Variants in HERC2 observed in about 807,000 individuals in gnomAD.
The protein encoded by HERC2 is E3 ubiquitin-protein ligase HERC2.
HERC2 carries 102 observed loss-of-function variants against 537.7 expected under a neutral mutation model. That is an observed-to-expected ratio of 0.19 (90% CI 0.16 to 0.22). The LOEUF is 0.22. Ranked by LOEUF, HERC2 falls within the 10% of genes least tolerant of loss-of-function variation. The pLI is 1.00. For missense variants in HERC2, 4,236 were observed against 6,198.2 expected (o/e 0.68, Z 10.63); for synonymous variants, 2,224 against 2,466.2 (o/e 0.90, Z 2.91).
intron 57 of HERC2, among the ~76,000 whole-genome samples, chr15:28,181,015 A>G (rs1383042987): frequency 2.0e-5 from 3 of 152,218 alleles, no homozygotes; most frequent in African/African-American, 7.2e-5. Context: ...TAATGTAAAG[A>G]TAAAAACACA....
At position 28,163,298 on chromosome 15, in the gene HERC2, A is replaced by G. The variant is rs199666827; in HGVS notation, c.10555-13T>C. Reference sequence around the variant, plus strand: ...GGCTTTCAACATCCTAAGTCAAATGACATCCAACAATTAACATGAGGAATG... The same window carrying G: ...GGCTTTCAACATCCTAAGTCAAATGGCATCCAACAATTAACATGAGGAATG... On this transcript the variant is annotated splice_polypyrimidine_tract_variant and intron_variant, in intron 68 of 92. Coordinates refer to ENST00000261609, the MANE Select transcript of HERC2 (RefSeq NM_004667.6). The G allele has an allele frequency of 8.7e-6, 14 of 1,607,838 alleles. No individual in the cohort carries two copies. Among genetic ancestry groups the G allele is most frequent in the Middle Eastern group, 3.3e-4 (2 of 6,044 alleles).
chr15:28,156,635 C>T (rs1893039184), intron 69 of HERC2, among the ~76,000 whole-genome samples: 1 of 152,152 alleles, frequency 6.6e-6, no homozygotes, highest in African/African-American at 2.4e-5. Flanking sequence ...TGCTGATCAG[C>T]TTAAGGAGAT....
At chr15:28,293,788 A>G (rs560950761) in intron 3 of HERC2, among the ~76,000 whole-genome samples, 13 of 152,330 alleles carry the variant, frequency 8.5e-5, no homozygotes, top group South Asian at 8.3e-4. Flanking sequence ...TGTGACTGAT[A>G]GCATAATTCA....
At chr15:28,274,158 G>T in intron 7 of HERC2, 133 bp downstream of exon 7, 1 of 776,050 alleles carries the variant, frequency 1.3e-6, no homozygotes, top group Non-Finnish European at 2.1e-6. Context: ...CGGAATCACA[G>T]CACTGACAGC....
chr15:28,230,270 GTCCC>G, intron 31 of HERC2, 93 bp downstream of exon 31: 2 of 1,239,424 alleles, frequency 1.6e-6, no homozygotes, highest in Non-Finnish European at 2.3e-6. Flanking sequence ...ACAACCGCCC[GTCCC>G]TCCCTCCAGA....
In HERC2 at chr15:28,175,629, G is replaced by A. The variant is rs2140146760; in HGVS notation, c.9714C>T (p.Gly3238=). 6.2e-7 allele frequency: 1 copy of A among 1,613,892 alleles called. No homozygotes were observed. The highest frequency in any genetic ancestry group is 1.7e-5 in the Admixed American group (1 of 60,000). Residue 3238 remains glycine, a synonymous_variant, in exon 64 of 93, where the codon GGC becomes GGT. Transcript: ENST00000261609. ...TCCGCACGTGCACGTCAGAGCCGTG[G>A]CCCAATCTGAAGTAATCCCCCTTTC... The part of the protein sequence containing the change: ...TWGKGDYFRL[G]HGSDVHVRKP...
rs990733867 is a variant in HERC2, at chr15:28,144,130, A to G, written c.11246T>C (p.Ile3749Thr). Residue 3749 changes from isoleucine (I) to threonine (T), a missense_variant, in exon 73 of 93, where the codon ATC becomes ACC. By Grantham distance (89) the Ile-to-Thr change is moderately conservative. Coordinates refer to ENST00000261609, the MANE Select transcript of HERC2 (RefSeq NM_004667.6). Reference sequence around the variant, plus strand: ...CAGCGAGGCCGCAAGGCGAGGGACGATGCTTCTGTTAGAGGCAAGGTTGAG... The same window carrying G: ...CAGCGAGGCCGCAAGGCGAGGGACGGTGCTTCTGTTAGAGGCAAGGTTGAG... ...FRLNLASNRS[I>T]VPRLAASLAA... The G allele has an allele frequency of 6.2e-7, 1 of 1,614,120 alleles. No individual in the cohort carries two copies. The highest frequency in any genetic ancestry group is 1.3e-5 in the African/African-American group (1 of 74,954).
intron 78 of HERC2, among the ~76,000 whole-genome samples, chr15:28,136,245 T>A (rs1890622613): frequency 6.6e-6 from 1 of 152,178 alleles, no homozygotes; most frequent in Non-Finnish European, 1.5e-5. Flanking sequence ...GTTTTCCAAA[T>A]GAAGGCAAAC....
At chr15:28,172,887 T>C (rs528972218) in intron 65 of HERC2, among the ~76,000 whole-genome samples, 1 of 152,282 alleles carries the variant, frequency 6.6e-6, no homozygotes, top group African/African-American at 2.4e-5. Flanking sequence ...TAACCCAGAA[T>C]ATATAAGAAA....
At position 28,117,069 on chromosome 15, in the gene HERC2, G is replaced by A. The variant is rs776359705; in HGVS notation, c.13358C>T (p.Ser4453Leu). 6 of 1,614,162 alleles carry A rather than the reference G, an allele frequency of 3.7e-6. No individual in the cohort carries two copies. Among genetic ancestry groups the A allele is most frequent in the South Asian group, 2.2e-5 (2 of 91,080 alleles). ...AAGGAGGAGGCTGTCGGGACCAAAC[G>A]AGCTCATCTTAGCACACATCTGCCC... ...VFGQMCAKMS[S>L]FGPDSLLLPH... The change falls in exon 87 of 93, where the codon TCG becomes TTG. Residue 4453 changes from serine (S) to leucine (L), a missense_variant. Around this residue, in one of 27 missense-constraint regions of HERC2, gnomAD observed 29 missense variants for 102.1 expected, o/e 0.28. Transcript: ENST00000261609.
At chr15:28,178,191 G>A (rs1895477482) in intron 59 of HERC2, among the ~76,000 whole-genome samples, 2 of 152,074 alleles carry the variant, frequency 1.3e-5, no homozygotes, top group Admixed American at 6.6e-5. Flanking sequence ...GATGGTGACT[G>A]AAATGAGTGG....
intron 2 of HERC2, among the ~76,000 whole-genome samples, chr15:28,306,862 TC>T (rs1189400968): frequency 6.6e-6 from 1 of 152,194 alleles, no homozygotes; most frequent in South Asian, 2.1e-4. Flanking sequence ...GAAGACACAG[TC>T]TCACTCTGTC....
intron 21 of HERC2, 71 bp from the exon 22 acceptor site, chr15:28,246,968 A>C: frequency 7.6e-7 from 1 of 1,318,772 alleles, no homozygotes; most frequent in Admixed American, 1.9e-5. Flanking sequence ...TAACTGCTCC[A>C]TGATGCTATT....
intron 3 of HERC2, among the ~76,000 whole-genome samples, chr15:28,293,981 C>T (rs1391987204): frequency 1.3e-5 from 2 of 152,172 alleles, no homozygotes; most frequent in African/African-American, 2.4e-5. Context: ...AAATGTCTAA[C>T]AACATAATTA....
At chr15:28,167,241 T>C (rs942118089) in intron 68 of HERC2, among the ~76,000 whole-genome samples, 5 of 152,184 alleles carry the variant, frequency 3.3e-5, no homozygotes, top group African/African-American at 9.7e-5. Context: ...ATCTCACCAA[T>C]GATGCAGCAA....
intron 56 of HERC2, among the ~76,000 whole-genome samples, chr15:28,184,212 T>C (rs1420455649): frequency 6.6e-6 from 1 of 152,090 alleles, no homozygotes; most frequent in Non-Finnish European, 1.5e-5. Flanking sequence ...ATATTTTCCA[T>C]ACACACATAT....
chr15:28,203,482 T>G (rs1359867134), intron 45 of HERC2: 2 of 152,024 alleles, frequency 1.3e-5, no homozygotes, highest in Non-Finnish European at 2.9e-5. Context: ...TTCTGATAAT[T>G]GAGAGTTAGG....
In HERC2 at chr15:28,169,584, G is replaced by T; in HGVS notation, c.10129C>A (p.Arg3377Ser). 6.2e-7 allele frequency: 1 copy of T among 1,613,940 alleles called. No homozygotes were observed. Residue 3377 changes from arginine (R) to serine (S), a missense_variant, in exon 66 of 93, where the codon CGC (arginine) becomes AGC (serine). Around this residue, in one of 27 missense-constraint regions of HERC2, gnomAD observed 356 missense variants for 450.9 expected, o/e 0.79. Transcript: ENST00000261609. Reference protein sequence around the residue: ...ISGASNSKPNRPSLAKILLSL... With the variant: ...ISGASNSKPNSPSLAKILLSL... ...AAGAGAATCTTGGCAAGAGAAGGGC[G>T]ATTTGGCTTAGAATTACTTGCACCA...
At chr15:28,289,136 A>C (rs1259397864) in intron 4 of HERC2, among the ~76,000 whole-genome samples, 15 of 151,976 alleles carry the variant, frequency 9.9e-5, no homozygotes, top group South Asian at 2.1e-4. Context: ...CAAGTAGTCT[A>C]AAGATTCCAA....
Sources: allele counts gnomAD v4.1 joint callset (sites outside exome capture counted in the v4.1 genomes callset), GRCh38; gene constraint gnomAD v4.1.1; regional missense constraint gnomAD v4.1.1; transcripts MANE v1.5; gene names NCBI Gene and HGNC (gene_info 2026-07-23, HGNC 2026-07-21).